Variants in SHISA9 observed in about 807,000 individuals in gnomAD.
SHISA9 encodes the protein shisa family member 9, also known as protein shisa-9.
SHISA9 carries 13 observed loss-of-function variants against 38.0 expected under a neutral mutation model. The ratio of observed to expected loss-of-function variants is 0.34; its 90% CI spans 0.22 to 0.54. The LOEUF (loss-of-function observed/expected upper bound fraction) is 0.54, where lower values mean the gene tolerates loss of function less well. SHISA9 is among the 20% of genes least tolerant of loss of function. The pLI is 0.91. For synonymous variants in SHISA9, 275 were observed against 242.0 expected, an observed-to-expected ratio of 1.14 and a Z score of -1.27; for missense variants, 538 against 575.8, an observed-to-expected ratio of 0.93 and a Z score of 0.67.
intron 2 of SHISA9, among the ~76,000 whole-genome samples, chr16:13,121,315 C>T (rs1283508114): frequency 6.6e-6 from 1 of 152,098 alleles, no homozygotes; most frequent in East Asian, 1.9e-4. Flanking sequence ...ATAGTGATCT[C>T]CCCTCTCTAC....
chr16:13,165,890 T>C (rs190615775), intron 2 of SHISA9, among the ~76,000 whole-genome samples: 34 of 152,332 alleles, frequency 2.2e-4, no homozygotes, highest in Non-Finnish European at 1.3e-4. Flanking sequence ...GGGAAGCTTT[T>C]AAATTGAGCC....
intron 2 of SHISA9, among the ~76,000 whole-genome samples, chr16:13,139,317 C>T (rs897762285): frequency 6.7e-6 from 1 of 148,648 alleles, no homozygotes; most frequent in African/African-American, 2.5e-5. Flanking sequence ...TCCATCCCCT[C>T]CTCTCACTTG....
At chr16:13,286,363 G>C in the SHISA9 span, among the ~76,000 whole-genome samples, 41 of 152,240 alleles carry the variant, frequency 2.7e-4, no homozygotes, top group African/African-American at 9.9e-4. Flanking sequence ...GGGGTTCACA[G>C]CTTTAAACCC....
chr16:13,179,911 G>C (rs750167540), intron 2 of SHISA9, among the ~76,000 whole-genome samples: 104 of 152,304 alleles, frequency 6.8e-4, no homozygotes, highest in Non-Finnish European at 1.2e-3. Flanking sequence ...GACAAGACTG[G>C]AAATGTTTGT....
chr16:13,269,465 T>G, the SHISA9 span, among the ~76,000 whole-genome samples: 2 of 152,172 alleles, frequency 1.3e-5, no homozygotes, highest in African/African-American at 4.8e-5. Flanking sequence ...AGATGGGGCT[T>G]TCTATGCTCC....
chr16:13,303,635 C>A, the SHISA9 span, among the ~76,000 whole-genome samples: 10 of 152,136 alleles, frequency 6.6e-5, no homozygotes, highest in African/African-American at 2.4e-4. Flanking sequence ...GCAGGATTCC[C>A]TTTTAGGATG....
intron 2 of SHISA9, among the ~76,000 whole-genome samples, chr16:13,055,590 T>C (rs149911610): frequency 2.4e-4 from 36 of 152,154 alleles, no homozygotes; most frequent in African/African-American, 8.2e-4. Context: ...TGTAACTTTG[T>C]CAGACCCATT....
chr16:13,430,177 G>C, the SHISA9 span, among the ~76,000 whole-genome samples: 1 of 152,174 alleles, frequency 6.6e-6, no homozygotes, highest in Non-Finnish European at 1.5e-5. Flanking sequence ...AGAACGGTGA[G>C]AAAACAAATT....
At chr16:13,042,335 G>T (rs1229183732) in intron 2 of SHISA9, among the ~76,000 whole-genome samples, 1 of 152,178 alleles carries the variant, frequency 6.6e-6, no homozygotes, top group Non-Finnish European at 1.5e-5. Flanking sequence ...GACAGAATTT[G>T]TACCTTCAGG....
At chr16:13,169,528 A>G (rs907068991) in intron 2 of SHISA9, among the ~76,000 whole-genome samples, 7 of 152,248 alleles carry the variant, frequency 4.6e-5, no homozygotes, top group African/African-American at 1.4e-4. Context: ...AGCCATTTTC[A>G]TAAAGAATCC....
intron 2 of SHISA9, among the ~76,000 whole-genome samples, chr16:12,999,914 A>G (rs2072503307): frequency 6.6e-6 from 1 of 152,312 alleles, no homozygotes; most frequent in Non-Finnish European, 1.5e-5. Context: ...ACAGAATGCA[A>G]TGGAAGCTGG....
At chr16:13,420,067 G>A in the SHISA9 span, among the ~76,000 whole-genome samples, 4 of 151,936 alleles carry the variant, frequency 2.6e-5, no homozygotes, top group South Asian at 2.1e-4. Flanking sequence ...CCAACATGGC[G>A]AAACCCCGTC....
chr16:13,369,294 G>A, the SHISA9 span, among the ~76,000 whole-genome samples: 23 of 152,158 alleles, frequency 1.5e-4, no homozygotes, highest in Non-Finnish European at 5.9e-5. Context: ...TTAGGGCTAC[G>A]AGATTAGGAA....
At chr16:13,277,384 C>G in the SHISA9 span, among the ~76,000 whole-genome samples, 21 of 151,972 alleles carry the variant, frequency 1.4e-4, no homozygotes, top group East Asian at 3.9e-3. Flanking sequence ...CTTAGTCTTG[C>G]TTTGGCTATG....
the SHISA9 span, among the ~76,000 whole-genome samples, chr16:13,450,989 G>A: frequency 0.073 from 11,123 of 152,164 alleles, 559 homozygotes; most frequent in South Asian, 0.18. Flanking sequence ...CCAGCTCCCA[G>A]TGGTATCATC....
At chr16:13,434,150 C>T in the SHISA9 span, among the ~76,000 whole-genome samples, 5 of 152,082 alleles carry the variant, frequency 3.3e-5, no homozygotes, top group Non-Finnish European at 5.9e-5. Context: ...AGGAAGCATC[C>T]GGCACGGGAG....
At chr16:12,985,629 A>G (rs546631104) in intron 2 of SHISA9, among the ~76,000 whole-genome samples, 4 of 152,302 alleles carry the variant, frequency 2.6e-5, no homozygotes, top group South Asian at 2.1e-4. Context: ...GCCCCATGCT[A>G]AGATGTCATC....
At chr16:13,084,899 G>A (rs2073693686) in intron 2 of SHISA9, among the ~76,000 whole-genome samples, 1 of 152,194 alleles carries the variant, frequency 6.6e-6, no homozygotes, top group Non-Finnish European at 1.5e-5. Flanking sequence ...AAGGGGGGAA[G>A]GTTTTGTTTG....
At chr16:13,383,486 C>T in the SHISA9 span, among the ~76,000 whole-genome samples, 1 of 152,084 alleles carries the variant, frequency 6.6e-6, no homozygotes, top group Non-Finnish European at 1.5e-5. Context: ...CAAATGAGTG[C>T]TTATATGCGT....
Sources: gnomAD v4.1 joint callset for allele counts (sites outside exome capture counted in the v4.1 genomes callset) on GRCh38, gnomAD v4.1.1 for gene constraint, MANE v1.5 for transcripts, NCBI Gene and HGNC (gene_info 2026-07-23, HGNC 2026-07-21) for gene names.